The following CTBP2 variants were observed in gnomAD, a reference collection of about 807,000 sequenced individuals.
CTBP2 encodes C-terminal binding protein 2.
Under a neutral mutation model 80.3 loss-of-function variants are expected in CTBP2, and 30 were observed. That is an observed-to-expected ratio of 0.37 (90% CI 0.28 to 0.51). CTBP2 has a LOEUF of 0.51. CTBP2 is among the 20% of genes least tolerant of loss of function. CTBP2 has a pLI of 0.93. For missense variants in CTBP2, 1,212 were observed against 1,375.3 expected (o/e 0.88, Z 1.88); for synonymous variants, 594 against 587.4 (o/e 1.01, Z -0.16).
At chr10:125,129,440 A>G (rs1050306047) in intron 1 of CTBP2, among the ~76,000 whole-genome samples, 11 of 152,162 alleles carry the variant, frequency 7.2e-5, no homozygotes, top group South Asian at 6.2e-4. Flanking sequence ...TACCTCAAAG[A>G]AAAAACAGAA....
chr10:125,120,615 G>T (rs973602022), intron 1 of CTBP2, among the ~76,000 whole-genome samples: 2 of 152,180 alleles, frequency 1.3e-5, no homozygotes, highest in Admixed American at 1.3e-4. Context: ...TCAAACTCCT[G>T]AACTCAGGTG....
chr10:125,021,162 G>A (rs1956999411), intron 1 of CTBP2, among the ~76,000 whole-genome samples: 1 of 152,178 alleles, frequency 6.6e-6, no homozygotes, highest in African/African-American at 2.4e-5. Context: ...AGTGTGAGAA[G>A]AGGCCAAGGG....
chr10:125,078,232 A>G (rs1333556961), intron 2 of CTBP2, among the ~76,000 whole-genome samples: 2 of 148,540 alleles, frequency 1.3e-5, no homozygotes, highest in African/African-American at 5.0e-5. Flanking sequence ...GTGAGCCGAG[A>G]TCGCGCCTCT....
chr10:125,097,764 CCCTCT>C (rs1289963138), intron 2 of CTBP2, among the ~76,000 whole-genome samples: 35 of 152,078 alleles, frequency 2.3e-4, no homozygotes, highest in Non-Finnish European at 3.8e-4. Context: ...CAATGACAGG[CCCTCT>C]GTAGTTCCTA....
upstream of CTBP2, among the ~76,000 whole-genome samples, chr10:125,029,866 A>T (rs566333109): frequency 8.8e-4 from 134 of 152,326 alleles, 1 homozygote; most frequent in African/African-American, 3.1e-3. Flanking sequence ...GAAACCAGTA[A>T]TGATTCTTCA....
intron 2 of CTBP2, among the ~76,000 whole-genome samples, chr10:125,055,993 C>T (rs1056808480): frequency 6.6e-6 from 1 of 151,876 alleles, no homozygotes; most frequent in Admixed American, 6.6e-5. Context: ...GGTGAAACCC[C>T]GTGTGTACTA....
Position 125,002,973 on chromosome 10 carries a change from A to T in CTBP2, c.1965T>A (p.Ala655=). 16 of 1,613,108 alleles carry T rather than the reference A, an allele frequency of 9.9e-6. No individual in the cohort carries two copies. Among genetic ancestry groups the T allele is most frequent in the Non-Finnish European group, 1.4e-5 (16 of 1,179,918 alleles). Residue 655 remains alanine, a synonymous_variant, in exon 3 of 9, where the codon GCT becomes GCA. Transcript: ENST00000309035. ...CCTCGCACTCACCGAGCTCGCCGGC[A>T]GCCTTGATGTCCACGTTGTCATAGC...
upstream of CTBP2, among the ~76,000 whole-genome samples, chr10:125,029,562 C>A (rs1271971844): frequency 6.6e-6 from 1 of 152,114 alleles, no homozygotes; most frequent in Admixed American, 6.6e-5. Flanking sequence ...GCCTGGCCAG[C>A]GCCTCAGGAT....
At chr10:125,132,319 A>C (rs1856317334) in intron 1 of CTBP2, among the ~76,000 whole-genome samples, 1 of 152,226 alleles carries the variant, frequency 6.6e-6, no homozygotes, top group Non-Finnish European at 1.5e-5. Flanking sequence ...CCGTCAATTA[A>C]ACTATGGCTT....
chr10:124,984,947 A>G lies in CTBP2; in HGVS notation c.*4571T>C, dbSNP rs375188956. 6.2e-7 allele frequency: 1 copy of G among 1,613,844 alleles called. No homozygotes were observed. The highest frequency in any genetic ancestry group is 8.5e-7 in the Non-Finnish European group (1 of 1,179,976). ...GCTACCGACAGATCCGGCCGTGTAC[A>G]TCCCTGTCTGATGGAGAGGAAGATG... On this transcript the variant is annotated 3_prime_UTR_variant, in exon 9 of 9. Transcript: ENST00000309035.
chr10:124,984,903 G>A lies in CTBP2; in HGVS notation c.*4615C>T. The A allele has an allele frequency of 6.2e-7, 1 of 1,614,006 alleles. No individual in the cohort carries two copies. Among genetic ancestry groups the A allele is most frequent in the Non-Finnish European group, 8.5e-7 (1 of 1,180,030 alleles). ...AAATCACCCCCTGGTCACTCAGATG[G>A]TAGAAAAATGGCTTGACCGCTACCG... is the stretch of plus-strand genomic sequence containing the variant. On this transcript the variant is annotated 3_prime_UTR_variant, in exon 9 of 9. Transcript: ENST00000309035.
chr10:125,150,502 C>T (rs971300849), intron 1 of CTBP2, among the ~76,000 whole-genome samples: 1 of 152,082 alleles, frequency 6.6e-6, no homozygotes, highest in African/African-American at 2.4e-5. Context: ...CAGACATTCC[C>T]GTGTCCCAGT....
At position 125,027,231 on chromosome 10, in the gene CTBP2, G is replaced by A. The variant is rs561396108; in HGVS notation, c.529C>T (p.Arg177Trp). The change falls in exon 1 of 9, where the codon CGG (arginine) becomes TGG (tryptophan). Residue 177 changes from arginine to tryptophan, a missense_variant. By Grantham distance (101) the Arg-to-Trp change is moderately radical (BLOSUM62 -3). Around this residue, in one of 3 missense-constraint regions of CTBP2, gnomAD observed 848 missense variants for 782.3 expected, o/e 1.08. Transcript: ENST00000309035. ...GATGCAGCCCTGCTCTGTGTCTGCC[G>A]CCCCTGAGGGATCATTTTACCTCCA... 457 of 1,613,446 alleles carry A rather than the reference G, an allele frequency of 2.8e-4. 5 individuals are homozygous for A. In the South Asian group the frequency reaches 3.1e-3, roughly 11 times the overall value.
rs777983970 is a variant in CTBP2, at chr10:124,985,897, CCTTCT to C, written c.*3616_*3620del. On this transcript the variant is annotated 3_prime_UTR_variant, in exon 9 of 9. Coordinates refer to ENST00000309035, the MANE Select transcript of CTBP2 (RefSeq NM_022802.3). ...CATGCCAGAGGGTCTTCGGATTCTT[CCTTCT>C]ATCACCTCTGCTCTAAGCAAATCTT... is the stretch of plus-strand genomic sequence containing the variant. The C allele has an allele frequency of 6.8e-6, 1 of 148,026 alleles. No individual in the cohort carries two copies. Among genetic ancestry groups the C allele is most frequent in the African/African-American group, 2.4e-5 (1 of 41,276 alleles). 9.2% of individuals were successfully genotyped at this position (148,026 alleles called of 1,614,324 possible). A position where few individuals can be genotyped will look rare whatever the true frequency, so the allele number is the denominator to read the frequency against.
intron 2 of CTBP2, among the ~76,000 whole-genome samples, chr10:125,046,389 T>A (rs1961242667): frequency 6.6e-6 from 1 of 151,702 alleles, no homozygotes; most frequent in South Asian, 2.1e-4. Context: ...ATACAAAAAA[T>A]TAGCCAGGCA....
intron 3 of CTBP2, chr10:124,998,713 C>T (rs1422881987): frequency 3.5e-5 from 6 of 171,380 alleles, no homozygotes; most frequent in African/African-American, 9.5e-5. Flanking sequence ...GGGCTGGCCC[C>T]GGGAACGGAA....
At chr10:125,011,883 T>C (rs1012138456) in intron 1 of CTBP2, among the ~76,000 whole-genome samples, 1 of 152,248 alleles carries the variant, frequency 6.6e-6, no homozygotes, top group Non-Finnish European at 1.5e-5. Flanking sequence ...GACACCGTCC[T>C]GTTGGCTGCC....
intron 2 of CTBP2, among the ~76,000 whole-genome samples, chr10:125,056,969 C>T (rs1964061930): frequency 1.3e-5 from 2 of 152,218 alleles, no homozygotes; most frequent in African/African-American, 2.4e-5. Context: ...CACACCTTCC[C>T]GAGGAAGACA....
chr10:125,115,997 C>A (rs1306471649), intron 1 of CTBP2, among the ~76,000 whole-genome samples: 1 of 152,160 alleles, frequency 6.6e-6, no homozygotes, highest in African/African-American at 2.4e-5. Flanking sequence ...GATGCAACAT[C>A]AACTATGACC....
Sources: gnomAD v4.1 joint callset for allele counts (sites outside exome capture counted in the v4.1 genomes callset) on GRCh38, gnomAD v4.1.1 for gene constraint, gnomAD v4.1.1 regional missense constraint, MANE v1.5 for transcripts, NCBI Gene and HGNC (gene_info 2026-07-23, HGNC 2026-07-21) for gene names.